Variants in ZBTB25 observed in about 807,000 individuals in gnomAD.
ZBTB25 encodes the protein zinc finger and BTB domain-containing protein 25.
ZBTB25 carries 20 observed loss-of-function variants against 34.2 expected under a neutral mutation model. The ratio of observed to expected loss-of-function variants is 0.58; its 90% CI spans 0.41 to 0.85. The LOEUF is 0.85. ZBTB25 is among the 40% of genes least tolerant of loss of function. ZBTB25 has a pLI of 0.00. For synonymous variants in ZBTB25, 175 were observed against 186.4 expected (o/e 0.94, Z 0.50); for missense variants, 437 against 521.8 (o/e 0.84, Z 1.58).
intron 2 of ZBTB25, chr14:64,467,044 T>C (rs1383018647): frequency 6.6e-6 from 1 of 152,242 alleles, no homozygotes; most frequent in Non-Finnish European, 1.5e-5. Flanking sequence ...CTCAGTCTAC[T>C]CGTGGTTCAA....
intron 1 of ZBTB25, chr14:64,503,211 G>A (rs117549629): frequency 3.0e-6 from 3 of 985,458 alleles, no homozygotes; most frequent in Non-Finnish European, 3.6e-6. Flanking sequence ...TCTTGCCCTA[G>A]AAACGAGGTA....
intron 1 of ZBTB25, among the ~76,000 whole-genome samples, chr14:64,492,844 G>A (rs1422524708): frequency 1.3e-5 from 2 of 152,066 alleles, no homozygotes; most frequent in African/African-American, 2.4e-5. Context: ...AAGGCGTGGA[G>A]ACAGAAAAAA....
In ZBTB25 at chr14:64,484,060, T is replaced by C. The variant is rs1399417171; in HGVS notation, c.*2863A>G. 1 of 151,764 alleles carries C rather than the reference T, an allele frequency of 6.6e-6. No individual in the cohort carries two copies. Among genetic ancestry groups the C allele is most frequent in the Admixed American group, 6.6e-5 (1 of 15,200 alleles). The allele number at this position is 151,764 out of a possible 1,614,324, so 9.4% of individuals were successfully genotyped here. ...CATCTCTGGAATTCAGCTTTTGGGA[T>C]TTTTTTTCTATAAAATGAAGTTGAT... On this transcript the variant is annotated 3_prime_UTR_variant, in exon 3 of 3. Transcript: ENST00000608382.
At chr14:64,494,233 C>A (rs985774006) in intron 1 of ZBTB25, among the ~76,000 whole-genome samples, 9 of 152,074 alleles carry the variant, frequency 5.9e-5, no homozygotes, top group African/African-American at 2.2e-4. Context: ...GGGGTGAGGC[C>A]CATTACAAAC....
intron 2 of ZBTB25, chr14:64,459,766 T>TC (rs2078532683): frequency 6.5e-7 from 1 of 1,533,054 alleles, no homozygotes; most frequent in African/African-American, 1.4e-5. Context: ...CAGATCACCA[T>TC]CCATCTTCAA....
chr14:64,486,845 GA>G lies in ZBTB25; in HGVS notation c.*77del. On this transcript the variant is annotated 3_prime_UTR_variant, in exon 3 of 3. Coordinates refer to ENST00000608382, the MANE Select transcript of ZBTB25 (RefSeq NM_006977.5). Reference sequence around the variant, plus strand: ...AAAAAAGTCAATGAAACTTGAGGAGGAAAATAATTTATGAATTAAAAATGCC... The same window carrying G: ...AAAAAAGTCAATGAAACTTGAGGAGGAAATAATTTATGAATTAAAAATGCC... The G allele has an allele frequency of 6.7e-7, 1 of 1,483,076 alleles. No homozygotes were observed. The highest frequency in any genetic ancestry group is 1.4e-5 in the South Asian group (1 of 69,520). 91.9% of individuals were successfully genotyped at this position (1,483,076 alleles called of 1,614,324 possible). A position where few individuals can be genotyped will look rare whatever the true frequency, so the allele number is the denominator to read the frequency against.
In ZBTB25 at chr14:64,468,738, A is replaced by T. The variant is rs759562097; in HGVS notation, c.174-19100T>A. On this transcript the variant is annotated intron_variant, in intron 2 of 2. Coordinates refer to the ZBTB25 transcript ENST00000555220. ...CCTGCAATAAATGCTGAGGATGCTG[A>T]TCTTTCTAAGAAAAAGGCAAAATCT... The T allele has an allele frequency of 4.3e-6, 7 of 1,614,118 alleles. No homozygotes were observed. In the African/African-American group the frequency reaches 9.3e-5, roughly 22 times the overall value.
chr14:64,490,433 T>C lies in ZBTB25; in HGVS notation c.101A>G (p.Tyr34Cys). The change falls in exon 2 of 3, where the codon TAC (tyrosine) becomes TGC (cysteine). Residue 34 changes from tyrosine (Y) to cysteine (C), a missense_variant. Physicochemically the swap from Tyr to Cys is radical, Grantham distance 194. Transcript: ENST00000608382. ...AAGCACTGCTCTGTGGGCTTTGAAG[T>C]AAACATCTCCAATTGCAACTGTGCA... is the stretch of plus-strand genomic sequence containing the variant. Reference protein sequence around the residue: ...CDCTVAIGDVYFKAHRAVLAA... With the variant: ...CDCTVAIGDVCFKAHRAVLAA... 6.2e-7 allele frequency: 1 copy of C among 1,613,920 alleles called. No individual in the cohort carries two copies. The highest frequency in any genetic ancestry group is 1.3e-5 in the African/African-American group (1 of 75,000).
chr14:64,472,697 T>G (rs917005470), intron 2 of ZBTB25: 1 of 166,900 alleles, frequency 6.0e-6, no homozygotes, highest in African/African-American at 2.4e-5. Context: ...CCAAATCCTA[T>G]TACAGTGAAT....
At chr14:64,465,154 T>C (rs2078596946) in intron 2 of ZBTB25, among the ~76,000 whole-genome samples, 1 of 152,182 alleles carries the variant, frequency 6.6e-6, no homozygotes, top group Non-Finnish European at 1.5e-5. Flanking sequence ...CTGTCTATAA[T>C]TTGAAACCGG....
At chr14:64,498,517 G>C (rs531272972) in intron 1 of ZBTB25, among the ~76,000 whole-genome samples, 1 of 152,254 alleles carries the variant, frequency 6.6e-6, no homozygotes, top group Admixed American at 6.5e-5. Flanking sequence ...CGCCACGTTG[G>C]CCAGGCTGGT....
In ZBTB25 at chr14:64,484,214, CG is replaced by C. The variant is rs2078834354; in HGVS notation, c.*2708del. 1 of 152,182 alleles carries C rather than the reference CG, an allele frequency of 6.6e-6. No homozygotes were observed. Among genetic ancestry groups the C allele is most frequent in the South Asian group, 2.1e-4 (1 of 4,836 alleles). The allele number at this position is 152,182 out of a possible 1,614,324, so 9.4% of individuals were successfully genotyped here. On this transcript the variant is annotated 3_prime_UTR_variant, in exon 3 of 3. Transcript: ENST00000608382. Reference sequence around the variant, plus strand: ...TAACCACTATTTTCTTAACTCTCAACGAACAGATATATTTCTGCTTTAAATG... The same window carrying C: ...TAACCACTATTTTCTTAACTCTCAACAACAGATATATTTCTGCTTTAAATG...
chr14:64,497,952 A>G (rs1034346381), intron 1 of ZBTB25, among the ~76,000 whole-genome samples: 2 of 152,212 alleles, frequency 1.3e-5, no homozygotes, highest in African/African-American at 2.4e-5. Context: ...TTTATGATGA[A>G]TTTTCATTCA....
intron 2 of ZBTB25, chr14:64,467,129 C>T (rs1053762486): frequency 2.0e-5 from 3 of 152,162 alleles, no homozygotes; most frequent in Non-Finnish European, 4.4e-5. Flanking sequence ...TGAAACACTG[C>T]AGATTAGTAT....
At chr14:64,460,228 A>C (rs919710904) in intron 2 of ZBTB25, 3 of 321,500 alleles carry the variant, frequency 9.3e-6, no homozygotes, top group African/African-American at 6.2e-5. Context: ...TTGGAAGTTG[A>C]TGACTTACCT....
chr14:64,474,505 G>T (rs949328436), downstream of ZBTB25: 1 of 166,922 alleles, frequency 6.0e-6, no homozygotes, highest in Non-Finnish European at 1.5e-5. Flanking sequence ...ATTGACTCAT[G>T]TTTATTCAGA....
chr14:64,459,951 G>C (rs1207898380), intron 2 of ZBTB25: 13 of 1,526,150 alleles, frequency 8.5e-6, no homozygotes, highest in Non-Finnish European at 1.1e-5. Context: ...CATAAATCAT[G>C]CATGTCTGTT....
In ZBTB25 at chr14:64,468,621, G is replaced by A. The variant is rs555999227; in HGVS notation, c.174-18983C>T. The A allele has an allele frequency of 1.4e-5, 22 of 1,613,706 alleles. No homozygotes were observed. The Admixed American group carries it at 1.5e-4, about 11-fold the overall frequency. The stretch of plus-strand genomic sequence containing the variant: ...GCTTCTGATCAGCCAGAGCCCACAC[G>A]GGGGGCCTGGGCCTCACTCAAACGT... On this transcript the variant is annotated intron_variant, in intron 2 of 2. Coordinates refer to the ZBTB25 transcript ENST00000555220.
chr14:64,466,001 C>T (rs2078609340), intron 2 of ZBTB25, among the ~76,000 whole-genome samples: 1 of 152,164 alleles, frequency 6.6e-6, no homozygotes, highest in Admixed American at 6.5e-5. Flanking sequence ...ATCCTGCGCT[C>T]TGTCTCCTGC....
Sources: allele counts gnomAD v4.1 joint callset (sites outside exome capture counted in the v4.1 genomes callset), GRCh38; gene constraint gnomAD v4.1.1; transcripts MANE v1.5; gene names NCBI Gene and HGNC (gene_info 2026-07-23, HGNC 2026-07-21).